PCDH15: variants seen among roughly 807,000 people sequenced by gnomAD.
PCDH15 encodes the protein protocadherin related 15.
PCDH15 carries 129 observed loss-of-function variants against 178.5 expected under a neutral mutation model. That is an observed-to-expected ratio of 0.72 (90% confidence interval 0.63 to 0.84). The LOEUF (loss-of-function observed/expected upper bound fraction) is 0.84, where lower values mean the gene tolerates loss of function less well. Among genes scored for constraint, PCDH15 ranks in the 40% least tolerant of loss-of-function variants. PCDH15 has a pLI of 0.00. For synonymous variants in PCDH15, 800 were observed against 732.0 expected (o/e 1.09, Z -1.50); for missense variants, 2,230 against 2,099.9 (o/e 1.06, Z -1.21).
intron 1 of PCDH15, among the ~76,000 whole-genome samples, chr10:55,299,918 G>C (rs66488656): frequency 0.2 from 30,072 of 151,986 alleles, 4,654 homozygotes; most frequent in African/African-American, 0.43. Flanking sequence ...ACATGAATGC[G>C]GCATGTCACA....
At chr10:54,776,290 A>G (rs1383413649) in intron 1 of PCDH15, among the ~76,000 whole-genome samples, 1 of 152,178 alleles carries the variant, frequency 6.6e-6, no homozygotes, top group Non-Finnish European at 1.5e-5. Flanking sequence ...TAAATGGTCA[A>G]TAGTGAGATT....
At chr10:54,549,531 C>T (rs2086295061) in intron 2 of PCDH15, among the ~76,000 whole-genome samples, 1 of 151,712 alleles carries the variant, frequency 6.6e-6, no homozygotes, top group Admixed American at 6.6e-5. Flanking sequence ...CTAATAGATT[C>T]TTTTGTAAAA....
chr10:54,629,503 T>G (rs1285586441), intron 2 of PCDH15, among the ~76,000 whole-genome samples: 6 of 152,162 alleles, frequency 3.9e-5, no homozygotes. Flanking sequence ...ACCATATCAT[T>G]ATTTCAACAG....
chr10:53,815,214 T>G (rs1028420009), intron 35 of PCDH15, among the ~76,000 whole-genome samples: 1 of 152,160 alleles, frequency 6.6e-6, no homozygotes, highest in African/African-American at 2.4e-5. Flanking sequence ...AGGGAAAACA[T>G]AGAATTAACT....
At position 55,531,989 on chromosome 10, in the gene PCDH15, AT is replaced by A. The variant is rs553753804; in HGVS notation, c.-156+95635del. On this transcript the variant is annotated intron_variant, in intron 2 of 5. Transcript: ENST00000613346. The stretch of plus-strand genomic sequence containing the variant: ...TGAATACGAAGAAGTGAATAAATAG[AT>A]TTTTTTTATCAAATTAAAGATCTGA... 2.9e-3 allele frequency among the ~76,000 whole-genome samples: 437 copies of A among 152,034 alleles called. 4 individuals are homozygous for A. The highest frequency in any genetic ancestry group is 8.8e-3 in the African/African-American group (365 of 41,524).
chr10:55,538,694 T>TC (rs1166822319), intron 2 of PCDH15, among the ~76,000 whole-genome samples: 2 of 3,552 alleles, frequency 5.6e-4, no homozygotes, highest in African/African-American at 1.1e-3. Flanking sequence ...CTTCCTTCCT[T>TC]CTTTCATTAA....
chr10:55,625,687 G>T (rs1837511562), intron 2 of PCDH15, among the ~76,000 whole-genome samples: 1 of 152,134 alleles, frequency 6.6e-6, no homozygotes, highest in Non-Finnish European at 1.5e-5. Flanking sequence ...CATTTACCAA[G>T]CAAAGAATCT....
chr10:54,026,304 G>T (rs562989238), intron 18 of PCDH15, among the ~76,000 whole-genome samples: 1 of 151,926 alleles, frequency 6.6e-6, no homozygotes, highest in Non-Finnish European at 1.5e-5. Flanking sequence ...TTCTGGGCTT[G>T]AGCCATCCTC....
At chr10:54,797,759 T>C (rs1272575865) in intron 1 of PCDH15, among the ~76,000 whole-genome samples, 2 of 152,020 alleles carry the variant, frequency 1.3e-5, no homozygotes, top group Non-Finnish European at 1.5e-5. Context: ...ATGATGTTTC[T>C]ATGCTCCTTA....
chr10:53,979,337 AACTC>A (rs1356894962), intron 21 of PCDH15, among the ~76,000 whole-genome samples: 4 of 152,126 alleles, frequency 2.6e-5, no homozygotes, highest in Non-Finnish European at 5.9e-5. Flanking sequence ...ATTTTGTGAG[AACTC>A]ACTCACTATC....
rs367860800 is a variant in PCDH15 at position 55,077,452 on chromosome 10, CTTCCTTCCTTCCT to C, written c.-80+89111_-80+89123del. 8.8e-3 allele frequency among the ~76,000 whole-genome samples: 1,161 copies of C among 132,056 alleles called. 18 individuals are homozygous for C. Among genetic ancestry groups the C allele is most frequent in the African/African-American group, 0.032 (1,026 of 32,056 alleles). The allele number at this position is 132,056 out of a possible 152,430, so 86.6% of individuals were successfully genotyped here. A position where few individuals can be genotyped will look rare whatever the true frequency, so the allele number is the denominator to read the frequency against. On this transcript the variant is annotated intron_variant, in intron 2 of 5. Transcript: ENST00000458638. ...CTTCCTTCCTTTCTTCCTTCCTTCC[CTTCCTTCCTTCCT>C]TTCCTTCCTTCTTTCCTTTCCTTCC...
intron 2 of PCDH15, among the ~76,000 whole-genome samples, chr10:54,640,065 A>C (rs1024333073): frequency 6.6e-6 from 1 of 152,158 alleles, no homozygotes; most frequent in Admixed American, 6.6e-5. Context: ...ACTGCACTCC[A>C]GCCTGGCAAC....
chr10:54,608,931 T>C (rs1375191790), intron 2 of PCDH15, among the ~76,000 whole-genome samples: 1 of 152,088 alleles, frequency 6.6e-6, no homozygotes, highest in Non-Finnish European at 1.5e-5. Context: ...CATACCCAAA[T>C]TTTTAGACTC....
intron 25 of PCDH15, among the ~76,000 whole-genome samples, chr10:53,921,312 A>C (rs1362838357): frequency 6.6e-6 from 1 of 152,092 alleles, no homozygotes; most frequent in East Asian, 1.9e-4. Context: ...TTAGCACTGT[A>C]AGTTTCAAGT....
intron 3 of PCDH15, among the ~76,000 whole-genome samples, chr10:54,519,920 C>G (rs2082665391): frequency 1.3e-5 from 2 of 152,152 alleles, no homozygotes; most frequent in African/African-American, 4.8e-5. Context: ...ATATCTACAA[C>G]TATCTGATCT....
intron 1 of PCDH15, among the ~76,000 whole-genome samples, chr10:55,227,444 ACATAG>A (rs1841081713): frequency 8.5e-6 from 1 of 118,008 alleles, no homozygotes; most frequent in Non-Finnish European, 1.8e-5. Context: ...CAAGAAAGAA[ACATAG>A]GATCTTAAGG....
intron 2 of PCDH15, among the ~76,000 whole-genome samples, chr10:55,007,618 T>C (rs888241582): frequency 6.6e-6 from 1 of 152,186 alleles, no homozygotes; most frequent in African/African-American, 2.4e-5. Flanking sequence ...CTTGTTTGTT[T>C]GTTCCTTTAC....
upstream of PCDH15, among the ~76,000 whole-genome samples, chr10:54,801,531 C>T (rs895420275): frequency 6.6e-6 from 1 of 152,180 alleles, no homozygotes; most frequent in Non-Finnish European, 1.5e-5. Context: ...TTTGTTTTTA[C>T]TGTTTTACTT....
intron 3 of PCDH15, among the ~76,000 whole-genome samples, chr10:54,498,270 A>G (rs1392253240): frequency 6.6e-6 from 1 of 152,180 alleles, no homozygotes; most frequent in African/African-American, 2.4e-5. Context: ...GGGAAATTGT[A>G]ACCACCAGAC....
Sources: gnomAD v4.1 joint callset for allele counts (sites outside exome capture counted in the v4.1 genomes callset) on GRCh38, gnomAD v4.1.1 for gene constraint, MANE v1.5 for transcripts, NCBI Gene and HGNC (gene_info 2026-07-23, HGNC 2026-07-21) for gene names.